The following PARD3B variants were observed in gnomAD, a reference collection of about 807,000 sequenced individuals.
The protein encoded by PARD3B is par-3 family cell polarity regulator beta, also known as partitioning defective 3 homolog B.
PARD3B carries 103 observed loss-of-function variants against 130.2 expected under a neutral mutation model. The observed-to-expected ratio is 0.79, with a 90% confidence interval of 0.67 to 0.93. PARD3B has a LOEUF of 0.93. Ranked by LOEUF, PARD3B falls within the 40% of genes least tolerant of loss-of-function variation. The pLI is 0.00. For synonymous variants in PARD3B, 583 were observed against 553.2 expected, an observed-to-expected ratio of 1.05 and a Z score of -0.76; for missense variants, 1,609 against 1,499.2, an observed-to-expected ratio of 1.07 and a Z score of -1.21.
intron 14 of PARD3B, 141 bp downstream of exon 14, chr2:205,186,004 GA>G (rs1427326711): frequency 2.5e-5 from 17 of 679,130 alleles, no homozygotes; most frequent in Non-Finnish European, 4.2e-5. Flanking sequence ...CCTTTCCAGC[GA>G]AAGCTTCAGT....
At chr2:205,088,456 G>A (rs1701877889) in intron 4 of PARD3B, among the ~76,000 whole-genome samples, 1 of 152,118 alleles carries the variant, frequency 6.6e-6, no homozygotes, top group Non-Finnish European at 1.5e-5. Context: ...GGCTTGGGGG[G>A]ATGACTGAGT....
Position 205,121,511 on chromosome 2 carries a change from G to A in PARD3B, c.807-80G>A. The A allele has an allele frequency of 8.1e-7, 1 of 1,241,232 alleles. No individual in the cohort carries two copies. The highest frequency in any genetic ancestry group is 1.2e-6 in the Non-Finnish European group (1 of 868,962). 76.9% of individuals were successfully genotyped at this position (1,241,232 alleles called of 1,614,324 possible). ...ATGATTAGCCACTGTGCTGCTCTTG[G>A]TTGCCATCCTCCTGGGGTACTTTAG... On this transcript the variant is annotated intron_variant, in intron 7 of 22. Coordinates refer to ENST00000406610, the MANE Select transcript of PARD3B (RefSeq NM_001302769.2). The surrounding 1 kb of genome is among the most constrained non-coding windows in gnomAD (Gnocchi z 5.0).
At chr2:205,354,780 T>C (rs1015284138) in intron 18 of PARD3B, among the ~76,000 whole-genome samples, 1 of 152,180 alleles carries the variant, frequency 6.6e-6, no homozygotes, top group Non-Finnish European at 1.5e-5. Context: ...ATTCTAAAAA[T>C]GAAGCTTACA....
intron 1 of PARD3B, among the ~76,000 whole-genome samples, chr2:204,611,735 C>T (rs2033931497): frequency 6.6e-6 from 1 of 152,098 alleles, no homozygotes; most frequent in South Asian, 2.1e-4. Flanking sequence ...GACAAAGTCT[C>T]CAATTATTTT....
intron 1 of PARD3B, among the ~76,000 whole-genome samples, chr2:204,646,826 A>C (rs1386627584): frequency 6.6e-6 from 1 of 152,042 alleles, no homozygotes; most frequent in Non-Finnish European, 1.5e-5. Flanking sequence ...TAAGTTGAAA[A>C]TATAGTAAGT....
intron 5 of PARD3B, among the ~76,000 whole-genome samples, chr2:205,104,927 A>T (rs1300217958): frequency 2.6e-5 from 4 of 152,154 alleles, no homozygotes; most frequent in Non-Finnish European, 5.9e-5. Flanking sequence ...ATTGTGCTTT[A>T]ACACCCTTGT....
chr2:205,008,566 A>C (rs1033782886), intron 3 of PARD3B, among the ~76,000 whole-genome samples: 1 of 152,146 alleles, frequency 6.6e-6, no homozygotes, highest in Admixed American at 6.5e-5. Flanking sequence ...TTGCTCTACT[A>C]TTAGATTTAT....
chr2:204,795,574 A>T (rs2042341630), intron 2 of PARD3B, among the ~76,000 whole-genome samples: 1 of 152,212 alleles, frequency 6.6e-6, no homozygotes, highest in Non-Finnish European at 1.5e-5. Context: ...TATTTCTGTT[A>T]CAGAGTACTT....
chr2:204,850,633 C>T (rs1026497065), intron 2 of PARD3B, among the ~76,000 whole-genome samples: 15 of 152,042 alleles, frequency 9.9e-5, no homozygotes, highest in South Asian at 6.2e-4. Context: ...ATATTCGCTT[C>T]GTGTTAGTGG....
chr2:205,006,323 T>C (rs549444777), intron 3 of PARD3B, among the ~76,000 whole-genome samples: 32 of 152,344 alleles, frequency 2.1e-4, no homozygotes, highest in African/African-American at 7.2e-4. Context: ...TTTGGGTAGA[T>C]ACTAAGTAGT....
chr2:204,675,103 C>T lies in PARD3B; in HGVS notation c.121-11078C>T, dbSNP rs1050895785. ...CACAAGTTTCTAAAACCTTGGCATC[C>T]AGGGCTTTGGACTATAAAATTTCAT... is the stretch of plus-strand genomic sequence containing the variant. On this transcript the variant is annotated intron_variant, in intron 1 of 22. Transcript: ENST00000406610. This position sits in a 1 kb window ranked among gnomAD's most constrained non-coding sequence, Gnocchi z 4.4. Among the ~76,000 whole-genome samples the T allele has an allele frequency of 6.6e-6, 1 of 152,004 alleles. No homozygotes were observed. The highest frequency in any genetic ancestry group is 1.5e-5 in the Non-Finnish European group (1 of 67,994).
chr2:205,304,271 C>T (rs780728387), intron 18 of PARD3B, among the ~76,000 whole-genome samples: 3 of 152,092 alleles, frequency 2.0e-5, no homozygotes, highest in South Asian at 4.1e-4. Flanking sequence ...AGACTTGCTG[C>T]GGTCCTGCTA....
At chr2:205,102,776 A>G (rs1702872674) in intron 4 of PARD3B, among the ~76,000 whole-genome samples, 1 of 152,154 alleles carries the variant, frequency 6.6e-6, no homozygotes, top group African/African-American at 2.4e-5. Context: ...TCTTTAAAAT[A>G]ATAACTTGGC....
chr2:204,803,630 T>C (rs1019737841), intron 2 of PARD3B, among the ~76,000 whole-genome samples: 2 of 152,194 alleles, frequency 1.3e-5, no homozygotes, highest in African/African-American at 4.8e-5. Flanking sequence ...CAACCAGTGT[T>C]GTCGTCAGTT....
chr2:205,154,812 C>A (rs189048807), intron 10 of PARD3B, among the ~76,000 whole-genome samples: 1 of 152,108 alleles, frequency 6.6e-6, no homozygotes, highest in East Asian at 1.9e-4. Context: ...AACCACACAC[C>A]GCATGTTCTC....
At chr2:205,380,019 G>A (rs1348393449) in intron 18 of PARD3B, among the ~76,000 whole-genome samples, 1 of 141,898 alleles carries the variant, frequency 7.0e-6, no homozygotes, top group East Asian at 2.0e-4. Context: ...AGTGAGCCGA[G>A]ATCATGCCAC....
chr2:205,182,940 C>G (rs1243021064), intron 13 of PARD3B, among the ~76,000 whole-genome samples: 1 of 152,144 alleles, frequency 6.6e-6, no homozygotes, highest in Non-Finnish European at 1.5e-5. Context: ...AGCCCACATT[C>G]CATTTGCAAG....
intron 1 of PARD3B, among the ~76,000 whole-genome samples, chr2:204,568,987 G>A (rs1401436218): frequency 6.6e-6 from 1 of 151,290 alleles, no homozygotes; most frequent in Non-Finnish European, 1.5e-5. Flanking sequence ...GAAAACTCAG[G>A]CATATTATTT....
At chr2:205,465,492 A>T (rs1371633982) in intron 20 of PARD3B, among the ~76,000 whole-genome samples, 1 of 152,214 alleles carries the variant, frequency 6.6e-6, no homozygotes, top group Non-Finnish European at 1.5e-5. Context: ...CGATTTCATT[A>T]TCTGAATTCT....
Sources: gnomAD v4.1 joint callset for allele counts (sites outside exome capture counted in the v4.1 genomes callset) on GRCh38, gnomAD v4.1.1 for gene constraint, Gnocchi (gnomAD v3.1) non-coding constraint, MANE v1.5 for transcripts, NCBI Gene and HGNC (gene_info 2026-07-23, HGNC 2026-07-21) for gene names.